SLC4A10: variants seen among roughly 807,000 people sequenced by gnomAD.
SLC4A10 encodes the protein solute carrier family 4 member 10.
SLC4A10 carries 42 observed loss-of-function variants against 137.7 expected under a neutral mutation model. The ratio of observed to expected loss-of-function variants is 0.30; its 90% CI spans 0.24 to 0.39. The LOEUF is 0.39. SLC4A10 is among the 10% of genes least tolerant of loss of function. SLC4A10 has a pLI of 1.00. For missense variants in SLC4A10, 925 were observed against 1,355.0 expected (o/e 0.68, Z 4.98); for synonymous variants, 474 against 464.1 (o/e 1.02, Z -0.27).
chr2:161,624,601 C>T lies in SLC4A10; in HGVS notation c.48+35C>T, dbSNP rs1164971371. ...AACCTGCTATCACATAGATTAACCG[C>T]GTTTGCTGCAAAACCTGTTAGGCAA... On this transcript the variant is annotated intron_variant, in intron 1 of 26. Transcript: ENST00000446997. 1.9e-6 allele frequency: 3 copies of T among 1,551,192 alleles called. No individual in the cohort carries two copies. In the African/African-American group the frequency reaches 4.1e-5, roughly 21 times the overall value.
chr2:161,872,007 C>A lies in SLC4A10; in HGVS notation c.767-286C>A, dbSNP rs192857809. Among the ~76,000 whole-genome samples the A allele has an allele frequency of 4.3e-3, 651 of 152,130 alleles. 4 individuals are homozygous for A. Among genetic ancestry groups the A allele is most frequent in the Middle Eastern group, 6.8e-3 (2 of 294 alleles). On this transcript the variant is annotated intron_variant, in intron 6 of 26. Coordinates refer to ENST00000446997, the MANE Select transcript of SLC4A10 (RefSeq NM_001178015.2). ...CTAGAAATCAATGATGCTTCAAAAT[C>A]CTGGTAACATTTACATATTTTGTAG...
At chr2:161,731,008 G>C (rs75366019) in intron 1 of SLC4A10, among the ~76,000 whole-genome samples, 1,721 of 152,192 alleles carry the variant, frequency 0.011, 30 homozygotes, top group African/African-American at 0.039. Context: ...TACATTTCTA[G>C]TCATTTAATA....
intron 2 of SLC4A10, among the ~76,000 whole-genome samples, chr2:161,783,789 C>CA (rs200609217): frequency 4.8e-4 from 71 of 147,604 alleles, no homozygotes; most frequent in African/African-American, 8.4e-4. Flanking sequence ...AGATTCCCAA[C>CA]AAAAAAAAAT....
intron 16 of SLC4A10, among the ~76,000 whole-genome samples, chr2:161,946,464 A>C (rs1331680702): frequency 6.6e-5 from 10 of 152,000 alleles, no homozygotes; most frequent in African/African-American, 2.4e-4. Context: ...GTTTGTGATC[A>C]ATCTATCAGT....
chr2:161,777,941 T>G (rs1364570663), intron 2 of SLC4A10, among the ~76,000 whole-genome samples: 1 of 152,020 alleles, frequency 6.6e-6, no homozygotes, highest in African/African-American at 2.4e-5. Flanking sequence ...TCATTACATC[T>G]CTTTGTTTCT....
intron 15 of SLC4A10, among the ~76,000 whole-genome samples, chr2:161,933,179 C>CTT (rs1381155695): frequency 8.4e-6 from 1 of 118,632 alleles, no homozygotes; most frequent in Non-Finnish European, 1.8e-5. Flanking sequence ...TTTCCCCTTC[C>CTT]TTCTTTTCTT....
intron 7 of SLC4A10, among the ~76,000 whole-genome samples, chr2:161,872,859 G>A (rs546586787): frequency 2.0e-5 from 3 of 152,108 alleles, no homozygotes; most frequent in East Asian, 1.9e-4. Context: ...GATTACAGGC[G>A]TGCACCACTA....
At chr2:161,671,059 T>G (rs538957266) in intron 1 of SLC4A10, among the ~76,000 whole-genome samples, 1 of 152,142 alleles carries the variant, frequency 6.6e-6, no homozygotes, top group Non-Finnish European at 1.5e-5. Context: ...AGTTCTATGG[T>G]CTGAACGTGT....
At chr2:161,710,129 A>G (rs1235630853) in intron 1 of SLC4A10, among the ~76,000 whole-genome samples, 2 of 151,688 alleles carry the variant, frequency 1.3e-5, no homozygotes, top group Admixed American at 6.6e-5. Context: ...ACTATAATTT[A>G]TATGTTATTC....
intron 10 of SLC4A10, among the ~76,000 whole-genome samples, chr2:161,890,119 G>C: frequency 6.6e-6 from 1 of 152,156 alleles, no homozygotes; most frequent in Non-Finnish European, 1.5e-5. Flanking sequence ...TCTTAATCCT[G>C]AGTTCTAATT....
intron 1 of SLC4A10, among the ~76,000 whole-genome samples, chr2:161,644,068 C>CTTTTTTTTTTTT (rs5835873): frequency 7.0e-6 from 1 of 143,732 alleles, no homozygotes. Context: ...GGCTTCTAAT[C>CTTTTTTTTTTTT]TTTTTTTTTT....
Position 161,950,773 on chromosome 2 carries a change from G to A in SLC4A10, c.2466G>A (p.Leu822=), listed in dbSNP as rs766445735. ...WTVIAAIIPA[L]LCTILIFMDQ... ...TAATAGCTGCTATAATTCCAGCTCT[G>A]CTTTGTACTATTCTAATTTTTATGG... The change falls in exon 19 of 27, where the codon CTG becomes CTA. Residue 822 remains leucine (L), a synonymous_variant. Coordinates refer to ENST00000446997, the MANE Select transcript of SLC4A10 (RefSeq NM_001178015.2). 6.2e-7 allele frequency: 1 copy of A among 1,601,948 alleles called. No individual in the cohort carries two copies. Among genetic ancestry groups the A allele is most frequent in the Admixed American group, 1.7e-5 (1 of 58,512 alleles).
intron 1 of SLC4A10, among the ~76,000 whole-genome samples, chr2:161,649,744 C>A (rs929230706): frequency 2.4e-4 from 36 of 151,422 alleles, no homozygotes; most frequent in Non-Finnish European, 4.6e-4. Context: ...AAAATATATT[C>A]TCTCATATGT....
At chr2:161,929,341 C>G (rs1559556315) in intron 15 of SLC4A10, among the ~76,000 whole-genome samples, 1 of 152,212 alleles carries the variant, frequency 6.6e-6, no homozygotes, top group Non-Finnish European at 1.5e-5. Flanking sequence ...GAGGCAGATC[C>G]ACTATGCTTC....
intron 3 of SLC4A10, among the ~76,000 whole-genome samples, chr2:161,838,364 T>C (rs957753489): frequency 6.6e-6 from 1 of 152,044 alleles, no homozygotes; most frequent in Non-Finnish European, 1.5e-5. Flanking sequence ...ATGTAAAATA[T>C]AATATATGAA....
chr2:161,756,088 A>T (rs2049608054), intron 1 of SLC4A10, among the ~76,000 whole-genome samples: 1 of 152,102 alleles, frequency 6.6e-6, no homozygotes, highest in Admixed American at 6.6e-5. Flanking sequence ...AGTTTTCAAA[A>T]TGTCATTTTA....
At chr2:161,978,004 A>G (rs1699655952) in intron 26 of SLC4A10, among the ~76,000 whole-genome samples, 1 of 152,176 alleles carries the variant, frequency 6.6e-6, no homozygotes, top group South Asian at 2.1e-4. Context: ...CAGATGCATC[A>G]TGTATAAATC....
intron 10 of SLC4A10, among the ~76,000 whole-genome samples, chr2:161,885,793 T>G (rs1224192138): frequency 6.6e-6 from 1 of 152,178 alleles, no homozygotes; most frequent in Non-Finnish European, 1.5e-5. Context: ...AAAGTATGTG[T>G]TAATGAATTC....
At chr2:161,860,932 A>G (rs1159099184) in intron 5 of SLC4A10, among the ~76,000 whole-genome samples, 3 of 152,234 alleles carry the variant, frequency 2.0e-5, no homozygotes, top group Admixed American at 6.5e-5. Context: ...AAAAGAAGTT[A>G]ATATGTTGTG....
Sources: gnomAD v4.1 joint callset for allele counts (sites outside exome capture counted in the v4.1 genomes callset) on GRCh38, gnomAD v4.1.1 for gene constraint, MANE v1.5 for transcripts, NCBI Gene and HGNC (gene_info 2026-07-23, HGNC 2026-07-21) for gene names.